Variants in RASGEF1A observed in about 807,000 individuals in gnomAD.
RASGEF1A encodes RasGEF domain family member 1A, also known as ras-GEF domain-containing family member 1A.
In RASGEF1A, 18 loss-of-function variants were observed where a neutral mutation model predicts 56.4. The ratio of observed to expected loss-of-function variants is 0.32; its 90% CI spans 0.22 to 0.47. The LOEUF is 0.47. RASGEF1A is among the 20% of genes least tolerant of loss of function. The probability of loss-of-function intolerance (pLI) is 1.00; values close to 1 mark genes in which losing one functional copy is unlikely to be tolerated. For missense variants in RASGEF1A, 422 were observed against 627.1 expected (o/e 0.67, Z 3.49); for synonymous variants, 245 against 242.6 (o/e 1.01, Z -0.09).
rs1443100628 is a variant in RASGEF1A at position 43,205,876 on chromosome 10, GGTCACCCCATTA to G, written c.198+31_198+42del. On this transcript the variant is annotated intron_variant, in intron 2 of 12. Coordinates refer to ENST00000395810, the MANE Select transcript of RASGEF1A (RefSeq NM_145313.4). The stretch of plus-strand genomic sequence containing the variant: ...CACACCCGACATCTCCTGGAGCCCA[GGTCACCCCATTA>G]GTCTCACTCCACAAGGCCCCACGTA... The G allele has an allele frequency of 1.0e-5, 15 of 1,506,612 alleles. No homozygotes were observed. The African/African-American group carries it at 1.4e-4, about 14-fold the overall frequency. 93.3% of individuals were successfully genotyped at this position (1,506,612 alleles called of 1,614,324 possible). A position where few individuals can be genotyped will look rare whatever the true frequency, so the allele number is the denominator to read the frequency against.
chr10:43,225,427 G>C (rs1328326025), intron 1 of RASGEF1A, among the ~76,000 whole-genome samples: 1 of 151,722 alleles, frequency 6.6e-6, no homozygotes, highest in Non-Finnish European at 1.5e-5. Context: ...CTCTGTGTCT[G>C]TGTCTCTGTA....
chr10:43,208,986 G>T, intron 1 of RASGEF1A: 14 of 985,438 alleles, frequency 1.4e-5, no homozygotes, highest in Non-Finnish European at 1.7e-5. Context: ...GGGGTCCCCT[G>T]CCGGCCACCC....
At chr10:43,229,541 C>A (rs958744212) in intron 1 of RASGEF1A, 2 of 1,094,178 alleles carry the variant, frequency 1.8e-6, no homozygotes, top group Non-Finnish European at 1.3e-6. Context: ...CCCTCCCGCA[C>A]GGGTCGGGAT....
chr10:43,246,959 A>G (rs993382247), intron 1 of RASGEF1A, among the ~76,000 whole-genome samples: 1 of 152,226 alleles, frequency 6.6e-6, no homozygotes, highest in East Asian at 1.9e-4. Context: ...TTCAAAGGAC[A>G]CTATCAAGAA....
intron 9 of RASGEF1A, 28 bp from the exon 10 acceptor site, chr10:43,198,223 C>T (rs1346928010): frequency 1.3e-6 from 2 of 1,580,134 alleles, no homozygotes; most frequent in African/African-American, 2.7e-5. Context: ...ACCTGGTGAG[C>T]ATCACAGCCC....
chr10:43,207,546 G>T, intron 1 of RASGEF1A: 1 of 985,452 alleles, frequency 1.0e-6, no homozygotes, highest in Non-Finnish European at 1.2e-6. Flanking sequence ...TTCTTAGAAA[G>T]TCTTTGGCAA....
At chr10:43,257,202 A>T (rs1166296708) in intron 1 of RASGEF1A, among the ~76,000 whole-genome samples, 1 of 152,192 alleles carries the variant, frequency 6.6e-6, no homozygotes, top group Non-Finnish European at 1.5e-5. Context: ...AGCAAGAGGG[A>T]GGAGCCATGA....
chr10:43,254,249 A>C (rs1840660289), intron 1 of RASGEF1A, among the ~76,000 whole-genome samples: 1 of 152,212 alleles, frequency 6.6e-6, no homozygotes, highest in Admixed American at 6.5e-5. Context: ...TGGGAACTGC[A>C]ATGTGCCAGT....
intron 3 of RASGEF1A, chr10:43,202,665 C>G (rs1285606496): frequency 2.1e-6 from 1 of 466,014 alleles, no homozygotes; most frequent in Non-Finnish European, 4.4e-6. Flanking sequence ...CACCACCCAG[C>G]CCGCAACTCT....
At chr10:43,223,823 T>TA (rs1381670099) in intron 1 of RASGEF1A, among the ~76,000 whole-genome samples, 1 of 151,672 alleles carries the variant, frequency 6.6e-6, no homozygotes, top group Non-Finnish European at 1.5e-5. Context: ...TCTATTTCTT[T>TA]AAAAAAATTA....
chr10:43,246,313 A>G (rs1840566674), intron 1 of RASGEF1A, among the ~76,000 whole-genome samples: 2 of 152,212 alleles, frequency 1.3e-5, no homozygotes, highest in Admixed American at 1.3e-4. Context: ...GTAAGACAAT[A>G]TTCTTCAGAT....
intron 1 of RASGEF1A, among the ~76,000 whole-genome samples, chr10:43,250,409 T>A (rs1037241241): frequency 4.6e-5 from 7 of 152,228 alleles, no homozygotes; most frequent in African/African-American, 1.7e-4. Flanking sequence ...TCGTCCCAGC[T>A]GACCCAGGAC....
intron 1 of RASGEF1A, chr10:43,207,629 G>A: frequency 1.0e-6 from 1 of 985,562 alleles, no homozygotes; most frequent in South Asian, 4.7e-5. Context: ...GCTCAGTGCT[G>A]CCCCCACTCC....
chr10:43,220,266 G>A (rs1240641888), intron 1 of RASGEF1A, among the ~76,000 whole-genome samples: 2 of 152,192 alleles, frequency 1.3e-5, no homozygotes, highest in Admixed American at 6.5e-5. Flanking sequence ...TTAGGAAGCC[G>A]AGGTGGAGGA....
At chr10:43,259,270 G>A (rs1351940690) in intron 1 of RASGEF1A, among the ~76,000 whole-genome samples, 2 of 152,208 alleles carry the variant, frequency 1.3e-5, no homozygotes, top group Non-Finnish European at 2.9e-5. Flanking sequence ...CCAGCTGAGG[G>A]CCTGCAAGCA....
Position 43,196,182 on chromosome 10 carries a change from C to T in RASGEF1A, c.*62G>A, listed in dbSNP as rs1043741033. Reference sequence around the variant, plus strand: ...GAGGCCTCCTCATCTCAACCCACATCAGTCAAAATTTAAACCCAGTTAGTG... The same window carrying T: ...GAGGCCTCCTCATCTCAACCCACATTAGTCAAAATTTAAACCCAGTTAGTG... On this transcript the variant is annotated 3_prime_UTR_variant, in exon 13 of 13. Transcript: ENST00000395810. This position sits in a 1 kb window ranked among gnomAD's most constrained non-coding sequence, Gnocchi z 4.6. 49 of 1,547,002 alleles carry T rather than the reference C, an allele frequency of 3.2e-5. No homozygotes were observed. The African/African-American group carries it at 6.3e-4, about 20-fold the overall frequency.
intron 1 of RASGEF1A, among the ~76,000 whole-genome samples, chr10:43,249,833 G>GC (rs1334615238): frequency 2.0e-5 from 3 of 152,202 alleles, no homozygotes; most frequent in African/African-American, 7.2e-5. Flanking sequence ...CCCACCACCG[G>GC]CCCCCACGCC....
At chr10:43,218,747 A>G (rs1403717616) in intron 1 of RASGEF1A, among the ~76,000 whole-genome samples, 2 of 152,260 alleles carry the variant, frequency 1.3e-5, no homozygotes, top group Non-Finnish European at 2.9e-5. Flanking sequence ...GACTCCAACA[A>G]GGAGGCGGCT....
At chr10:43,208,162 T>C (rs1203133263) in intron 1 of RASGEF1A, 1 of 985,360 alleles carries the variant, frequency 1.0e-6, no homozygotes, top group Non-Finnish European at 1.2e-6. Flanking sequence ...CACACAGTTC[T>C]GGGTTCAAAA....
Sources: allele counts gnomAD v4.1 joint callset (sites outside exome capture counted in the v4.1 genomes callset), GRCh38; gene constraint gnomAD v4.1.1; non-coding constraint Gnocchi (gnomAD v3.1); transcripts MANE v1.5; gene names NCBI Gene and HGNC (gene_info 2026-07-23, HGNC 2026-07-21).